RNF169: variants seen among roughly 807,000 people sequenced by gnomAD.
The protein encoded by RNF169 is E3 ubiquitin-protein ligase RNF169.
In RNF169, 24 loss-of-function variants were observed where a neutral mutation model predicts 53.9. The ratio of observed to expected loss-of-function variants is 0.45; its 90% CI spans 0.32 to 0.63. The LOEUF is 0.63. Among genes scored for constraint, RNF169 ranks in the 20% least tolerant of loss-of-function variants. The pLI is 0.04. For missense variants in RNF169, 883 were observed against 906.2 expected (o/e 0.97, Z 0.33); for synonymous variants, 396 against 363.5 (o/e 1.09, Z -1.02).
intron 1 of RNF169, among the ~76,000 whole-genome samples, chr11:74,759,579 T>C (rs950999641): frequency 4.8e-5 from 7 of 145,226 alleles, no homozygotes; most frequent in African/African-American, 1.1e-4. Flanking sequence ...ATGTGGTTTT[T>C]GTCTTTGGCT....
rs771043883 is a variant in RNF169, at chr11:74,836,669, G to A, written c.2066G>A (p.Arg689Gln). 8.1e-6 allele frequency: 13 copies of A among 1,613,518 alleles called. No individual in the cohort carries two copies. Among genetic ancestry groups the A allele is most frequent in the South Asian group, 2.2e-5 (2 of 91,072 alleles). ...MFDNERRTVSRRKGSVDQYLL... is the reference protein window; with the variant it reads ...MFDNERRTVSQRKGSVDQYLL... ...GACAATGAGAGGCGGACTGTGAGCC[G>A]GCGAAAAGGAAGTGTGGATCAGTAT... Residue 689 changes from arginine (R) to glutamine (Q), a missense_variant, in exon 6 of 6, where the codon CGG (arginine) becomes CAG (glutamine). By Grantham distance (43) the Arg-to-Gln change is conservative. Coordinates refer to ENST00000299563, the MANE Select transcript of RNF169 (RefSeq NM_001098638.2).
chr11:74,820,701 T>C (rs1028392918), intron 4 of RNF169, among the ~76,000 whole-genome samples: 1 of 152,132 alleles, frequency 6.6e-6, no homozygotes, highest in African/African-American at 2.4e-5. Context: ...TTAAAAGTAA[T>C]GGAATATGGC....
intron 2 of RNF169, among the ~76,000 whole-genome samples, chr11:74,800,897 A>G (rs1034745838): frequency 1.3e-5 from 2 of 152,170 alleles, no homozygotes; most frequent in African/African-American, 4.8e-5. Flanking sequence ...GACTGATAAT[A>G]TATCTGCCGG....
chr11:74,780,591 A>G (rs2035403414), intron 1 of RNF169, among the ~76,000 whole-genome samples: 1 of 152,174 alleles, frequency 6.6e-6, no homozygotes, highest in African/African-American at 2.4e-5. Context: ...GATGTGCATC[A>G]TTTCATACTT....
In RNF169 at chr11:74,836,527, C is replaced by A; in HGVS notation, c.1924C>A (p.Gln642Lys). The A allele has an allele frequency of 6.2e-7, 1 of 1,614,142 alleles. No homozygotes were observed. Among genetic ancestry groups the A allele is most frequent in the Non-Finnish European group, 8.5e-7 (1 of 1,180,034 alleles). Residue 642 changes from glutamine to lysine, a missense_variant, in exon 6 of 6, where the codon CAA becomes AAA. Physicochemically the swap from Gln to Lys is moderately conservative, Grantham distance 53. This residue lies in a region of RNF169 where 351 missense variants were observed against 337.3 expected (regional missense o/e 1.04). Coordinates refer to ENST00000299563, the MANE Select transcript of RNF169 (RefSeq NM_001098638.2). The part of the protein sequence containing the change: ...EQNGSLKKLR[Q>K]TSGEVGLAPT... ...AAATGGCTCCCTTAAAAAACTGCGA[C>A]AAACCAGTGGGGAGGTGGGTCTGGC...
chr11:74,751,062 G>A (rs896675289), intron 1 of RNF169, among the ~76,000 whole-genome samples: 1 of 151,808 alleles, frequency 6.6e-6, no homozygotes, highest in African/African-American at 2.4e-5. Context: ...GTAGAGACGG[G>A]GTTTCGCCAT....
At chr11:74,796,338 A>G (rs1164352067) in intron 2 of RNF169, among the ~76,000 whole-genome samples, 3 of 152,166 alleles carry the variant, frequency 2.0e-5, no homozygotes, top group Non-Finnish European at 2.9e-5. Context: ...ATTTTGTAGT[A>G]TTGGTTCTTG....
At chr11:74,779,671 C>CA (rs896205327) in intron 1 of RNF169, among the ~76,000 whole-genome samples, 17 of 151,432 alleles carry the variant, frequency 1.1e-4, no homozygotes, top group South Asian at 2.1e-4. Context: ...ATTTTCTTCT[C>CA]AAAAAAAAGT....
In RNF169 at chr11:74,837,440, C is replaced by T. The variant is rs2036274095; in HGVS notation, c.*710C>T. 6.6e-6 allele frequency: 1 copy of T among 152,190 alleles called. No homozygotes were observed. The highest frequency in any genetic ancestry group is 6.5e-5 in the Admixed American group (1 of 15,280). The allele number at this position is 152,190 out of a possible 1,614,324, so 9.4% of individuals were successfully genotyped here. ...CTCTCAACTACCAAGTGGCATAACC[C>T]ATGGATTTTCTAAAGGTTTCCCAAA... On this transcript the variant is annotated 3_prime_UTR_variant, in exon 6 of 6. Transcript: ENST00000299563.
chr11:74,834,383 T>C (rs1278828796), intron 4 of RNF169, among the ~76,000 whole-genome samples: 3 of 152,250 alleles, frequency 2.0e-5, no homozygotes, highest in African/African-American at 7.2e-5. Context: ...GATAGTGAAG[T>C]ATCTACATCT....
intron 3 of RNF169, among the ~76,000 whole-genome samples, chr11:74,811,407 G>C (rs1370217625): frequency 1.3e-5 from 2 of 151,984 alleles, no homozygotes; most frequent in Non-Finnish European, 2.9e-5. Context: ...ATACCCAGTT[G>C]TATTTTTTGT....
At chr11:74,818,302 AAAG>A (rs1565184809) in intron 4 of RNF169, among the ~76,000 whole-genome samples, 2 of 152,180 alleles carry the variant, frequency 1.3e-5, no homozygotes. Flanking sequence ...GAAATGGAGG[AAAG>A]AAGGAGGACT....
At chr11:74,785,974 T>G (rs1235455810) in intron 1 of RNF169, among the ~76,000 whole-genome samples, 2 of 150,576 alleles carry the variant, frequency 1.3e-5, no homozygotes, top group African/African-American at 4.9e-5. Context: ...CAGAGTCTTG[T>G]TCTGTCCCCA....
intron 1 of RNF169, among the ~76,000 whole-genome samples, chr11:74,781,940 G>A (rs2035422496): frequency 6.6e-6 from 1 of 152,086 alleles, no homozygotes; most frequent in Non-Finnish European, 1.5e-5. Context: ...TAATATTCAG[G>A]GCATAGAAGT....
chr11:74,793,373 T>G (rs1313314150), intron 2 of RNF169, among the ~76,000 whole-genome samples: 1 of 152,226 alleles, frequency 6.6e-6, no homozygotes, highest in Non-Finnish European at 1.5e-5. Context: ...TTATTACTAA[T>G]TTGATGTGTG....
At chr11:74,785,654 G>T (rs1226193057) in intron 1 of RNF169, among the ~76,000 whole-genome samples, 2 of 151,528 alleles carry the variant, frequency 1.3e-5, no homozygotes, top group Non-Finnish European at 2.9e-5. Flanking sequence ...AGTCCTGTTG[G>T]GGCAAAAAAT....
rs2036262753 is a variant in RNF169 at position 74,836,690 on chromosome 11, A to G, written c.2087A>G (p.Gln696Arg). 6.2e-7 allele frequency: 1 copy of G among 1,612,722 alleles called. No homozygotes were observed. Among genetic ancestry groups the G allele is most frequent in the Admixed American group, 1.7e-5 (1 of 59,990 alleles). ...AGCCGGCGAAAAGGAAGTGTGGATC[A>G]GTATCTCCTACGGTCCAGCAACATG... ...TVSRRKGSVD[Q>R]YLLRSSNMAG... is the part of the protein sequence containing the mutation. The change falls in exon 6 of 6, where the codon CAG (glutamine) becomes CGG (arginine). Residue 696 changes from glutamine to arginine, a missense_variant. By Grantham distance (43) the Gln-to-Arg change is conservative. Transcript: ENST00000299563.
chr11:74,762,752 C>G (rs2035108559), intron 1 of RNF169, among the ~76,000 whole-genome samples: 1 of 152,124 alleles, frequency 6.6e-6, no homozygotes, highest in African/African-American at 2.4e-5. Context: ...TAAAGAATGA[C>G]AGTTCTTTTA....
intron 2 of RNF169, among the ~76,000 whole-genome samples, chr11:74,792,502 A>T (rs1022520632): frequency 6.6e-6 from 1 of 152,104 alleles, no homozygotes; most frequent in African/African-American, 2.4e-5. Flanking sequence ...CCTAGGTTCA[A>T]GTGATTCTCC....
Sources: gnomAD v4.1 joint callset for allele counts (sites outside exome capture counted in the v4.1 genomes callset) on GRCh38, gnomAD v4.1.1 for gene constraint, gnomAD v4.1.1 regional missense constraint, MANE v1.5 for transcripts, NCBI Gene and HGNC (gene_info 2026-07-23, HGNC 2026-07-21) for gene names.